FBXL7: variants seen among roughly 807,000 people sequenced by gnomAD.
FBXL7 encodes the protein F-box/LRR-repeat protein 7.
Under a neutral mutation model 38.3 loss-of-function variants are expected in FBXL7, and 12 were observed. The ratio of observed to expected loss-of-function variants is 0.31; its 90% CI spans 0.20 to 0.51. The LOEUF (loss-of-function observed/expected upper bound fraction) is 0.51. FBXL7 is among the 20% of genes least tolerant of loss of function. The pLI is 0.98. For missense variants in FBXL7, 567 were observed against 676.4 expected, an observed-to-expected ratio of 0.84 and a Z score of 1.79; for synonymous variants, 297 against 300.9, an observed-to-expected ratio of 0.99 and a Z score of 0.13.
chr5:15,653,791 A>G lies in FBXL7; in HGVS notation c.127+37719A>G, dbSNP rs73058360. On this transcript the variant is annotated intron_variant, in intron 2 of 3. Transcript: ENST00000504595. ...GAAATGAAAAGAGCTTGTTTTATTC[A>G]TTTGTCCTCACTGCATTTATCTACA... Among the ~76,000 whole-genome samples the G allele has an allele frequency of 2.2e-3, 340 of 152,282 alleles. 2 individuals are homozygous for G. Among genetic ancestry groups the G allele is most frequent in the African/African-American group, 7.3e-3 (304 of 41,572 alleles).
chr5:15,771,066 T>G (rs1197035357), intron 2 of FBXL7, among the ~76,000 whole-genome samples: 1 of 152,228 alleles, frequency 6.6e-6, no homozygotes, highest in Non-Finnish European at 1.5e-5. Context: ...GAACTAGCTT[T>G]CTTCCCTGTT....
chr5:15,592,933 T>C (rs1739524957), intron 1 of FBXL7, among the ~76,000 whole-genome samples: 1 of 152,196 alleles, frequency 6.6e-6, no homozygotes. Context: ...CAGGATAAGA[T>C]GCGTATCACA....
chr5:15,924,479 C>A (rs1314793640), intron 2 of FBXL7, among the ~76,000 whole-genome samples: 1 of 152,064 alleles, frequency 6.6e-6, no homozygotes, highest in African/African-American at 2.4e-5. Flanking sequence ...TAAAAAATCA[C>A]CCCCAAACTC....
chr5:15,596,930 C>T (rs1266270976), intron 1 of FBXL7, among the ~76,000 whole-genome samples: 2 of 152,226 alleles, frequency 1.3e-5, no homozygotes, highest in East Asian at 3.9e-4. Flanking sequence ...TTATAGTAAG[C>T]CAGTAAACCT....
chr5:15,691,789 A>C (rs1279454157), intron 2 of FBXL7, among the ~76,000 whole-genome samples: 1 of 152,178 alleles, frequency 6.6e-6, no homozygotes, highest in African/African-American at 2.4e-5. Context: ...AGATTTCCTT[A>C]TCATTTCATC....
At chr5:15,681,823 G>C (rs934072977) in intron 2 of FBXL7, among the ~76,000 whole-genome samples, 1 of 152,106 alleles carries the variant, frequency 6.6e-6, no homozygotes, top group Non-Finnish European at 1.5e-5. Flanking sequence ...TTAGGAAATA[G>C]GAATACGTCA....
chr5:15,868,376 T>C (rs1472693599), intron 2 of FBXL7, among the ~76,000 whole-genome samples: 2 of 152,332 alleles, frequency 1.3e-5, no homozygotes, highest in East Asian at 1.9e-4. Context: ...CCCACAAAAC[T>C]GTAAAATTAT....
At chr5:15,840,993 A>G (rs1356461378) in intron 2 of FBXL7, among the ~76,000 whole-genome samples, 2 of 152,136 alleles carry the variant, frequency 1.3e-5, no homozygotes, top group African/African-American at 4.8e-5. Flanking sequence ...GCCTATAGCA[A>G]TGTCACTGGC....
At chr5:15,790,752 G>A (rs942954485) in intron 2 of FBXL7, among the ~76,000 whole-genome samples, 1 of 152,110 alleles carries the variant, frequency 6.6e-6, no homozygotes, top group South Asian at 2.1e-4. Flanking sequence ...ATGGGCATCG[G>A]TCTTGTCTTT....
rs184478621 is a variant in FBXL7 at position 15,853,434 on chromosome 5, G to A, written c.128-74456G>A. On this transcript the variant is annotated intron_variant, in intron 2 of 3. Coordinates refer to ENST00000504595, the MANE Select transcript of FBXL7 (RefSeq NM_012304.5). The stretch of plus-strand genomic sequence containing the variant: ...CCTACCACGGAGAAGGCATGGCTGG[G>A]TAGAGACCTCGAGTTGAGAGATGGT... 8.4e-4 allele frequency among the ~76,000 whole-genome samples: 128 copies of A among 152,304 alleles called. 1 individual carries two copies. Among genetic ancestry groups the A allele is most frequent in the African/African-American group, 3.1e-3 (128 of 41,562 alleles).
intron 2 of FBXL7, among the ~76,000 whole-genome samples, chr5:15,818,219 A>G (rs1359703437): frequency 6.6e-6 from 1 of 152,154 alleles, no homozygotes; most frequent in East Asian, 1.9e-4. Flanking sequence ...TTCCCAGGCC[A>G]TCTTCCAAAG....
At chr5:15,654,021 G>T (rs1430971517) in intron 2 of FBXL7, among the ~76,000 whole-genome samples, 2 of 152,188 alleles carry the variant, frequency 1.3e-5, no homozygotes, top group South Asian at 4.1e-4. Context: ...TAGCAGCAAT[G>T]AACCTGTCAA....
intron 2 of FBXL7, 105 bp from the exon 3 acceptor site, chr5:15,927,785 A>AAAAAAAAAAAT: frequency 1.7e-5 from 14 of 800,974 alleles, no homozygotes; most frequent in Non-Finnish European, 2.3e-5. Flanking sequence ...AAAAAAAAAA[A>AAAAAAAAAAAT]AAGAAGAAGA....
chr5:15,754,678 T>C (rs1343961742), intron 2 of FBXL7, among the ~76,000 whole-genome samples: 1 of 152,216 alleles, frequency 6.6e-6, no homozygotes, highest in East Asian at 1.9e-4. Flanking sequence ...AAATAGGCTC[T>C]AGTTGTATCT....
chr5:15,558,303 G>A (rs1324265933), intron 1 of FBXL7, among the ~76,000 whole-genome samples: 2 of 152,212 alleles, frequency 1.3e-5, no homozygotes, highest in Non-Finnish European at 2.9e-5. Flanking sequence ...AGAGGATTAG[G>A]TTGATTTTTC....
At chr5:15,717,329 G>A (rs1304872412) in intron 2 of FBXL7, among the ~76,000 whole-genome samples, 2 of 152,184 alleles carry the variant, frequency 1.3e-5, no homozygotes, top group African/African-American at 4.8e-5. Context: ...TGGTTTGGCA[G>A]TGCATACTTC....
At chr5:15,735,004 T>C (rs1007127804) in intron 2 of FBXL7, among the ~76,000 whole-genome samples, 2 of 152,204 alleles carry the variant, frequency 1.3e-5, no homozygotes, top group Non-Finnish European at 2.9e-5. Context: ...TGATCTTGGC[T>C]CACTGCAACC....
intron 2 of FBXL7, among the ~76,000 whole-genome samples, chr5:15,838,115 T>A (rs1579507155): frequency 6.6e-6 from 1 of 152,212 alleles, no homozygotes; most frequent in Non-Finnish European, 1.5e-5. Flanking sequence ...TATGTTGGTG[T>A]CCAAGTGGGA....
intron 1 of FBXL7, among the ~76,000 whole-genome samples, chr5:15,549,492 A>T (rs574964672): frequency 1.3e-5 from 2 of 152,154 alleles, no homozygotes; most frequent in Non-Finnish European, 2.9e-5. Flanking sequence ...GGAGCTAAAA[A>T]TGTTTCTTTG....
Sources: gnomAD v4.1 joint callset for allele counts (sites outside exome capture counted in the v4.1 genomes callset) on GRCh38, gnomAD v4.1.1 for gene constraint, MANE v1.5 for transcripts, NCBI Gene and HGNC (gene_info 2026-07-23, HGNC 2026-07-21) for gene names.